The following ARHGEF7 variants were observed in gnomAD, a reference collection of about 807,000 sequenced individuals.
ARHGEF7 encodes the protein Rho guanine nucleotide exchange factor 7.
Under a neutral mutation model 109.8 loss-of-function variants are expected in ARHGEF7, and 33 were observed. The observed-to-expected ratio is 0.30, with a 90% confidence interval of 0.23 to 0.40. The LOEUF (loss-of-function observed/expected upper bound fraction) is 0.40, where lower values mean the gene tolerates loss of function less well. ARHGEF7 is among the 10% of genes least tolerant of loss of function. The probability of loss-of-function intolerance (pLI) is 1.00; values close to 1 mark genes in which losing one functional copy is unlikely to be tolerated. For synonymous variants in ARHGEF7, 458 were observed against 424.6 expected (o/e 1.08, Z -0.97); for missense variants, 938 against 1,098.5 (o/e 0.85, Z 2.07).
At chr13:111,172,958 C>T (rs2077740806) in intron 2 of ARHGEF7, among the ~76,000 whole-genome samples, 1 of 152,178 alleles carries the variant, frequency 6.6e-6, no homozygotes, top group African/African-American at 2.4e-5. Context: ...TGAAACGCTC[C>T]TGGTCCCAAG....
intron 1 of ARHGEF7, among the ~76,000 whole-genome samples, chr13:111,119,543 G>A (rs1262963679): frequency 1.1e-4 from 16 of 152,176 alleles, no homozygotes; most frequent in Admixed American, 1.0e-3. Context: ...AGATATGGAT[G>A]AGAAGGAGCA....
At chr13:111,275,934 A>G (rs1434033254) in intron 12 of ARHGEF7, 2 of 456,194 alleles carry the variant, frequency 4.4e-6, no homozygotes, top group Non-Finnish European at 4.1e-6. Context: ...GAACTGAAGG[A>G]TAGATAGTGT....
At chr13:111,268,562 G>T (rs1461428831) in intron 9 of ARHGEF7, among the ~76,000 whole-genome samples, 1 of 152,206 alleles carries the variant, frequency 6.6e-6, no homozygotes. Context: ...GTGAACAGGT[G>T]TTGGTTGCCT....
intron 1 of ARHGEF7, among the ~76,000 whole-genome samples, chr13:111,134,911 G>GT (rs2075009614): frequency 2.0e-5 from 3 of 152,260 alleles, no homozygotes; most frequent in African/African-American, 7.2e-5. Context: ...TTCTTCTAGG[G>GT]TTTTTATGGT....
chr13:111,179,085 T>C (rs113528538), intron 2 of ARHGEF7, among the ~76,000 whole-genome samples: 3 of 138,474 alleles, frequency 2.2e-5, no homozygotes, highest in African/African-American at 2.7e-5. Context: ...CCTGTTCTTT[T>C]TTTTTTTTTT....
At chr13:111,263,360 C>A (rs191912129) in intron 8 of ARHGEF7, among the ~76,000 whole-genome samples, 1 of 152,282 alleles carries the variant, frequency 6.6e-6, no homozygotes, top group East Asian at 1.9e-4. Context: ...AAAAACCACT[C>A]GTACCGTGAA....
intron 1 of ARHGEF7, among the ~76,000 whole-genome samples, chr13:111,126,231 C>CT (rs1353921613): frequency 6.6e-6 from 1 of 152,216 alleles, no homozygotes; most frequent in Non-Finnish European, 1.5e-5. Context: ...TGGCTCACGC[C>CT]TATAATCCTA....
intron 19 of ARHGEF7, chr13:111,295,222 G>A: frequency 2.0e-6 from 2 of 984,716 alleles, no homozygotes; most frequent in Non-Finnish European, 2.4e-6. Flanking sequence ...TGTTACATGG[G>A]GGAGGGGAAT....
intron 1 of ARHGEF7, among the ~76,000 whole-genome samples, 197 bp downstream of exon 1, chr13:111,115,888 G>A (rs2066713533): frequency 6.7e-6 from 1 of 150,312 alleles, no homozygotes; most frequent in Non-Finnish European, 1.5e-5. Flanking sequence ...AGGGGGAGGG[G>A]GCCGGGGAGC....
At chr13:111,216,278 G>A (rs946976354) in intron 4 of ARHGEF7, among the ~76,000 whole-genome samples, 1 of 152,018 alleles carries the variant, frequency 6.6e-6, no homozygotes, top group Admixed American at 6.6e-5. Flanking sequence ...GTTGCTGGAT[G>A]GGGGGGTGAT....
intron 17 of ARHGEF7, among the ~76,000 whole-genome samples, chr13:111,286,530 G>T (rs951388891): frequency 6.6e-6 from 1 of 152,268 alleles, no homozygotes; most frequent in East Asian, 1.9e-4. Flanking sequence ...CTGCTCTTCT[G>T]GTTCTCCCTC....
At chr13:111,285,223 A>C (rs1390616489) in intron 16 of ARHGEF7, among the ~76,000 whole-genome samples, 1 of 151,686 alleles carries the variant, frequency 6.6e-6, no homozygotes, top group Non-Finnish European at 1.5e-5. Context: ...GGTCATGTCC[A>C]TGTGTACCCA....
At chr13:111,118,642 T>C (rs1302337446) in intron 1 of ARHGEF7, among the ~76,000 whole-genome samples, 1 of 152,126 alleles carries the variant, frequency 6.6e-6, no homozygotes, top group Non-Finnish European at 1.5e-5. Flanking sequence ...TTCTCACAAA[T>C]TCACTTTAAA....
intron 13 of ARHGEF7, 75 bp from the exon 14 acceptor site, chr13:111,280,197 T>A: frequency 7.1e-7 from 1 of 1,404,556 alleles, no homozygotes; most frequent in South Asian, 1.3e-5. Flanking sequence ...TCATTTAATA[T>A]TGACTTTAAT....
In ARHGEF7 at chr13:111,167,804, T is replaced by G. The variant is rs534295705; in HGVS notation, c.252+13813T>G. Among the ~76,000 whole-genome samples the G allele has an allele frequency of 7.9e-5, 12 of 152,306 alleles. 1 individual carries two copies. The South Asian group carries it at 2.5e-3, about 32-fold the overall frequency. On this transcript the variant is annotated intron_variant, in intron 2 of 21. Coordinates refer to ENST00000646102, the MANE Select transcript of ARHGEF7 (RefSeq NM_001354046.2). ...GGAACTGAGGCCATGCTAGGAATGC[T>G]CTTGTGCAGTTTGCCTATTTCCACT...
chr13:111,115,685 C>T lies in ARHGEF7; in HGVS notation c.159C>T (p.Ile53=). The T allele has an allele frequency of 7.9e-7, 1 of 1,261,344 alleles. No homozygotes were observed. Among genetic ancestry groups the T allele is most frequent in the Non-Finnish European group, 1.0e-6 (1 of 995,996 alleles). The allele number at this position is 1,261,344 out of a possible 1,614,324, so 78.1% of individuals were successfully genotyped here. ...TGGAGCGCCTGCTCCCCGGGACCAT[C>T]GAGAAAGTAAGTCCCGGCCCGCGCC... ...RLLERLLPGT[I]EKVYPEPRSE... is the part of the protein sequence containing the mutation. Residue 53 remains isoleucine, a synonymous_variant, in exon 1 of 22, where the codon ATC becomes ATT. Coordinates refer to ENST00000646102, the MANE Select transcript of ARHGEF7 (RefSeq NM_001354046.2).
chr13:111,160,539 C>T (rs144209474), intron 2 of ARHGEF7, among the ~76,000 whole-genome samples: 136 of 152,180 alleles, frequency 8.9e-4, no homozygotes, highest in Non-Finnish European at 1.3e-3. Context: ...ATAATCCCCA[C>T]GTCTAGGGAG....
intron 2 of ARHGEF7, among the ~76,000 whole-genome samples, chr13:111,161,055 G>A (rs1013444220): frequency 9.2e-5 from 14 of 152,170 alleles, no homozygotes; most frequent in African/African-American, 3.1e-4. Flanking sequence ...ATGCTCATTG[G>A]AGTGTTTTGG....
At chr13:111,208,812 C>T (rs907525280) in intron 3 of ARHGEF7, among the ~76,000 whole-genome samples, 1 of 152,090 alleles carries the variant, frequency 6.6e-6, no homozygotes, top group African/African-American at 2.4e-5. Context: ...GTAGCAAGCC[C>T]CCATCTGTGG....
Sources: gnomAD v4.1 joint callset for allele counts (sites outside exome capture counted in the v4.1 genomes callset) on GRCh38, gnomAD v4.1.1 for gene constraint, MANE v1.5 for transcripts, NCBI Gene and HGNC (gene_info 2026-07-23, HGNC 2026-07-21) for gene names.